Variants in PLCH1 observed in about 807,000 individuals in gnomAD.
The protein encoded by PLCH1 is phospholipase C eta 1.
PLCH1 carries 60 observed loss-of-function variants against 126.7 expected under a neutral mutation model. The observed-to-expected ratio is 0.47, with a 90% CI of 0.38 to 0.59. The LOEUF (loss-of-function observed/expected upper bound fraction) is 0.59, where lower values mean the gene tolerates loss of function less well. Among genes scored for constraint, PLCH1 ranks in the 20% least tolerant of loss-of-function variants. The probability of loss-of-function intolerance (pLI) is 0.00; values close to 1 mark genes in which losing one functional copy is unlikely to be tolerated. For synonymous variants in PLCH1, 719 were observed against 734.9 expected, an observed-to-expected ratio of 0.98 and a Z score of 0.35; for missense variants, 1,723 against 2,040.0, an observed-to-expected ratio of 0.84 and a Z score of 2.99.
intron 2 of PLCH1, among the ~76,000 whole-genome samples, chr3:155,605,615 C>T (rs1416221544): frequency 6.6e-6 from 1 of 152,184 alleles, no homozygotes; most frequent in East Asian, 1.9e-4. Flanking sequence ...CCGAAAATGC[C>T]TGCTCTAGGC....
intron 1 of PLCH1, among the ~76,000 whole-genome samples, chr3:155,739,784 C>CTA (rs1473039801): frequency 1.3e-5 from 2 of 152,202 alleles, no homozygotes; most frequent in Non-Finnish European, 2.9e-5. Context: ...AGGCAAGAAA[C>CTA]TAACCTCTCT....
At chr3:155,530,982 C>T (rs1383928036) in intron 10 of PLCH1, among the ~76,000 whole-genome samples, 1 of 152,156 alleles carries the variant, frequency 6.6e-6, no homozygotes, top group African/African-American at 2.4e-5. Context: ...TGACCAGGTG[C>T]ATTGTCAATG....
chr3:155,730,282 G>GT (rs57900643), intron 1 of PLCH1, among the ~76,000 whole-genome samples: 33,315 of 147,766 alleles, frequency 0.23, 3,768 homozygotes, highest in African/African-American at 0.28. Flanking sequence ...AAAATGATTA[G>GT]TTTTTTTTTT....
rs1458386567 is a variant in PLCH1, at chr3:155,733,858, AACCT to A, written c.-41+10978_-41+10981del. Reference sequence around the variant, plus strand: ...AGAACTCAACTGCCAGAAAACAAATAACCTGATCTGAAGATAGGCAAAGGACCTA... The same window carrying A: ...AGAACTCAACTGCCAGAAAACAAATAGATCTGAAGATAGGCAAAGGACCTA... On this transcript the variant is annotated intron_variant, in intron 1 of 22. Coordinates refer to ENST00000460012, the MANE Select transcript of PLCH1 (RefSeq NM_014996.4). Among the ~76,000 whole-genome samples, 6 of 148,320 alleles carry A rather than the reference AACCT, an allele frequency of 4.0e-5. No individual in the cohort carries two copies. In the East Asian group the frequency reaches 1.2e-3, roughly 29 times the overall value.
At chr3:155,452,367 A>G (rs905404145) in intron 21 of PLCH1, among the ~76,000 whole-genome samples, 3 of 152,182 alleles carry the variant, frequency 2.0e-5, no homozygotes, top group African/African-American at 7.2e-5. Context: ...TTATGGGAGT[A>G]TAATTCAAGG....
chr3:155,643,115 A>G (rs959216519), intron 2 of PLCH1, among the ~76,000 whole-genome samples: 2 of 152,044 alleles, frequency 1.3e-5, no homozygotes, highest in African/African-American at 4.8e-5. Flanking sequence ...TGCCCAACTA[A>G]TTTTTTTATT....
intron 21 of PLCH1, among the ~76,000 whole-genome samples, chr3:155,460,878 C>A: frequency 6.6e-6 from 1 of 152,116 alleles, no homozygotes; most frequent in East Asian, 1.9e-4. Flanking sequence ...GCAAATTCAA[C>A]CAGGTGGTAT....
chr3:155,690,632 G>A (rs1264450156), intron 2 of PLCH1, among the ~76,000 whole-genome samples: 2 of 152,184 alleles, frequency 1.3e-5, no homozygotes, highest in Non-Finnish European at 2.9e-5. Flanking sequence ...TGAGTATCAG[G>A]ATACTGCTGG....
At chr3:155,695,126 G>C (rs1460779464) in intron 2 of PLCH1, among the ~76,000 whole-genome samples, 2 of 152,048 alleles carry the variant, frequency 1.3e-5, no homozygotes. Flanking sequence ...ATTTTAAAGA[G>C]AGAAACCTTC....
At chr3:155,681,681 A>C (rs1355190932) in intron 2 of PLCH1, among the ~76,000 whole-genome samples, 1 of 152,236 alleles carries the variant, frequency 6.6e-6, no homozygotes, top group Non-Finnish European at 1.5e-5. Flanking sequence ...ACCCAAAATC[A>C]TTGCTATAAG....
chr3:155,537,928 A>C (rs1723663097), intron 10 of PLCH1, among the ~76,000 whole-genome samples: 1 of 152,126 alleles, frequency 6.6e-6, no homozygotes, highest in South Asian at 2.1e-4. Context: ...TATTCTACCC[A>C]ACAACTGCAG....
intron 10 of PLCH1, among the ~76,000 whole-genome samples, chr3:155,524,735 A>T (rs796130045): frequency 2.0e-5 from 3 of 152,142 alleles, no homozygotes; most frequent in South Asian, 2.1e-4. Flanking sequence ...TGGAACCTGG[A>T]GCCAGGCCCA....
intron 1 of PLCH1, among the ~76,000 whole-genome samples, chr3:155,707,735 T>C (rs1225544787): frequency 4.0e-5 from 6 of 151,872 alleles, no homozygotes; most frequent in African/African-American, 1.2e-4. Flanking sequence ...ATTTGTTACA[T>C]AGCAATAGAT....
At chr3:155,540,631 A>T (rs1191479383) in intron 10 of PLCH1, among the ~76,000 whole-genome samples, 1 of 152,230 alleles carries the variant, frequency 6.6e-6, no homozygotes, top group Non-Finnish European at 1.5e-5. Context: ...GTCAACAAAC[A>T]TATGAAAAAA....
intron 8 of PLCH1, among the ~76,000 whole-genome samples, chr3:155,558,482 C>T (rs1007392445): frequency 6.6e-6 from 1 of 152,062 alleles, no homozygotes; most frequent in East Asian, 1.9e-4. Flanking sequence ...ATACATACAC[C>T]CTTGTTTTTT....
intron 12 of PLCH1, among the ~76,000 whole-genome samples, chr3:155,505,907 T>C (rs78624736): frequency 6.6e-6 from 1 of 151,690 alleles, no homozygotes; most frequent in Admixed American, 6.6e-5. Context: ...TTTTTTTTTT[T>C]AATCTGTGAA....
At position 155,576,132 on chromosome 3, in the gene PLCH1, A is replaced by G. The variant is rs73874850; in HGVS notation, c.771+7340T>C. Among the ~76,000 whole-genome samples the G allele has an allele frequency of 4.1e-3, 622 of 152,324 alleles. 6 individuals are homozygous for G. Among genetic ancestry groups the G allele is most frequent in the African/African-American group, 0.014 (596 of 41,576 alleles). On this transcript the variant is annotated intron_variant, in intron 6 of 22. Transcript: ENST00000460012. Reference sequence around the variant, plus strand: ...AAACACTAAAAAGGATGGAACAAAAAAAACACTCAGCTCCAGTGCCAAGAA... The same window carrying G: ...AAACACTAAAAAGGATGGAACAAAAGAAACACTCAGCTCCAGTGCCAAGAA...
At chr3:155,562,782 T>A (rs1727805441) in intron 8 of PLCH1, among the ~76,000 whole-genome samples, 1 of 152,166 alleles carries the variant, frequency 6.6e-6, no homozygotes, top group Non-Finnish European at 1.5e-5. Context: ...GCATGCGCCC[T>A]TTCAAAAATC....
intron 2 of PLCH1, among the ~76,000 whole-genome samples, chr3:155,628,190 AC>A (rs1330493957): frequency 1.3e-5 from 2 of 151,894 alleles, no homozygotes; most frequent in Admixed American, 6.6e-5. Context: ...GGGATACACC[AC>A]CCCAAAGTAT....
Sources: allele counts gnomAD v4.1 joint callset (sites outside exome capture counted in the v4.1 genomes callset), GRCh38; gene constraint gnomAD v4.1.1; transcripts MANE v1.5; gene names NCBI Gene and HGNC (gene_info 2026-07-23, HGNC 2026-07-21).